The following CDH13 variants were observed in gnomAD, a reference collection of about 807,000 sequenced individuals.
CDH13 encodes cadherin-13.
A neutral mutation model predicts 63.8 loss-of-function variants in CDH13; 24 were observed. That is an observed-to-expected ratio of 0.38 (90% CI 0.27 to 0.53). The LOEUF is 0.53. Among genes scored for constraint, CDH13 ranks in the 20% least tolerant of loss-of-function variants. The pLI, the probability that CDH13 is intolerant of heterozygous loss-of-function variation, is 0.85. For missense variants in CDH13, 1,049 were observed against 903.1 expected (o/e 1.16, Z -2.07); for synonymous variants, 503 against 355.3 (o/e 1.42, Z -4.67).
chr16:82,814,777 G>A (rs773853763), intron 1 of CDH13, among the ~76,000 whole-genome samples: 8 of 152,206 alleles, frequency 5.3e-5, no homozygotes. Flanking sequence ...TAGTGGGTCA[G>A]TCAGAAGCAC....
intron 1 of CDH13, among the ~76,000 whole-genome samples, chr16:82,753,182 G>T (rs2034486485): frequency 6.6e-6 from 1 of 152,178 alleles, no homozygotes; most frequent in South Asian, 2.1e-4. Context: ...CTGGGAAGAA[G>T]GCAGAGAGCA....
chr16:83,448,687 A>G (rs903845627), intron 6 of CDH13, among the ~76,000 whole-genome samples: 2 of 152,228 alleles, frequency 1.3e-5, no homozygotes, highest in African/African-American at 4.8e-5. Flanking sequence ...GAAAAGCAGT[A>G]GAGATGAGAG....
At chr16:82,858,764 G>C in intron 2 of CDH13, 1 of 480,212 alleles carries the variant, frequency 2.1e-6, no homozygotes, top group South Asian at 4.4e-5. Context: ...ACTGTGCAAA[G>C]GAAATGAAAT....
At chr16:82,973,964 C>G (rs565281160) in intron 2 of CDH13, among the ~76,000 whole-genome samples, 3 of 152,220 alleles carry the variant, frequency 2.0e-5, no homozygotes, top group African/African-American at 7.2e-5. Context: ...CCACTGTTGT[C>G]CAGGCTGGAG....
chr16:83,446,042 T>C (rs111773800), intron 6 of CDH13, among the ~76,000 whole-genome samples: 4,791 of 152,156 alleles, frequency 0.031, 267 homozygotes, highest in African/African-American at 0.11. Flanking sequence ...CTCAGGTCTG[T>C]AATCCCAGCA....
intron 5 of CDH13, among the ~76,000 whole-genome samples, chr16:83,259,356 C>T (rs937216170): frequency 1.3e-5 from 2 of 152,118 alleles, no homozygotes; most frequent in Non-Finnish European, 2.9e-5. Context: ...AGCGAGTCTT[C>T]CATAAAGGTT....
chr16:83,411,870 A>G (rs2092131596), intron 6 of CDH13, among the ~76,000 whole-genome samples: 1 of 152,224 alleles, frequency 6.6e-6, no homozygotes, highest in Admixed American at 6.5e-5. Flanking sequence ...CAAGTTTATA[A>G]GGTAGATAGT....
intron 3 of CDH13, among the ~76,000 whole-genome samples, chr16:83,120,922 C>A (rs1246583766): frequency 6.6e-6 from 1 of 152,018 alleles, no homozygotes; most frequent in East Asian, 1.9e-4. Context: ...TGCCACCACA[C>A]CTAGCTAATT....
In CDH13 at chr16:83,087,853, C is replaced by T. The variant is rs116743982; in HGVS notation, c.367-37532C>T. ...TAATTACAAATGGGTCTTATGTATG[C>T]CCTTGGGTTGTCTAGCAAGATGGTT... is the stretch of plus-strand genomic sequence containing the variant. On this transcript the variant is annotated intron_variant, in intron 3 of 13. Transcript: ENST00000567109. Among the ~76,000 whole-genome samples the T allele has an allele frequency of 6.8e-3, 1,038 of 151,994 alleles. 18 individuals are homozygous for T. Among genetic ancestry groups the T allele is most frequent in the African/African-American group, 0.022 (927 of 41,422 alleles).
chr16:82,771,793 G>A (rs758489631), intron 1 of CDH13, among the ~76,000 whole-genome samples: 1 of 152,230 alleles, frequency 6.6e-6, no homozygotes, highest in Non-Finnish European at 1.5e-5. Flanking sequence ...TTTGGCAAGA[G>A]GGAGACTGAG....
At chr16:83,586,517 A>T (rs1156473769) in intron 7 of CDH13, among the ~76,000 whole-genome samples, 3 of 152,338 alleles carry the variant, frequency 2.0e-5, no homozygotes, top group Admixed American at 2.0e-4. Context: ...TGAGCCGAGA[A>T]GGGCAAGACC....
At chr16:82,846,430 C>T (rs541460410) in intron 1 of CDH13, among the ~76,000 whole-genome samples, 1 of 152,208 alleles carries the variant, frequency 6.6e-6, no homozygotes, top group East Asian at 1.9e-4. Context: ...CAGTTTCTGT[C>T]CTGAAACATT....
chr16:82,880,897 A>C (rs996222384), intron 2 of CDH13, among the ~76,000 whole-genome samples: 1 of 152,188 alleles, frequency 6.6e-6, no homozygotes, highest in Admixed American at 6.5e-5. Flanking sequence ...TGTAAATCAG[A>C]TTAAATAATG....
At chr16:83,679,673 TC>T (rs766567700) in intron 10 of CDH13, among the ~76,000 whole-genome samples, 4 of 152,186 alleles carry the variant, frequency 2.6e-5, no homozygotes, top group Admixed American at 6.5e-5. Context: ...AATTTAAACA[TC>T]AAAGAGAGAG....
chr16:83,192,349 T>G (rs1026320724), intron 4 of CDH13, among the ~76,000 whole-genome samples: 1 of 152,174 alleles, frequency 6.6e-6, no homozygotes, highest in East Asian at 1.9e-4. Context: ...GAGCAGAGGG[T>G]AGATGCAGAA....
At chr16:83,497,133 C>T (rs555089966) in intron 7 of CDH13, among the ~76,000 whole-genome samples, 127 of 152,250 alleles carry the variant, frequency 8.3e-4, no homozygotes, top group African/African-American at 2.7e-3. Context: ...ACTGGAAGTA[C>T]CATTTGACCC....
Position 82,956,057 on chromosome 16 carries a change from C to T in CDH13, c.158-75953C>T, listed in dbSNP as rs1906044613. Among the ~76,000 whole-genome samples, 3 of 152,176 alleles carry T rather than the reference C, an allele frequency of 2.0e-5. No homozygotes were observed. The South Asian group carries it at 6.2e-4, about 32-fold the overall frequency. On this transcript the variant is annotated intron_variant, in intron 2 of 13. Transcript: ENST00000567109. The stretch of plus-strand genomic sequence containing the variant: ...AACTCTCCAAGTGCAAAGTTAAACT[C>T]AATCTCCCCACCAACCTCTAACCTC...
At chr16:83,260,158 A>C (rs1036680951) in intron 5 of CDH13, among the ~76,000 whole-genome samples, 1 of 149,746 alleles carries the variant, frequency 6.7e-6, no homozygotes. Flanking sequence ...TCTCAAAACA[A>C]AGTTTACAAA....
chr16:82,676,499 T>C (rs914338856), intron 1 of CDH13, among the ~76,000 whole-genome samples: 5 of 149,824 alleles, frequency 3.3e-5, no homozygotes, highest in Admixed American at 1.3e-4. Context: ...TTTTTTTTTT[T>C]TTTTTTTTGC....
Sources: allele counts gnomAD v4.1 joint callset (sites outside exome capture counted in the v4.1 genomes callset), GRCh38; gene constraint gnomAD v4.1.1; transcripts MANE v1.5; gene names NCBI Gene and HGNC (gene_info 2026-07-23, HGNC 2026-07-21).